Variants in WNT10A observed in about 807,000 individuals in gnomAD.
The protein encoded by WNT10A is Wnt family member 10A, also known as protein Wnt-10a.
A neutral mutation model predicts 36.1 loss-of-function variants in WNT10A; 37 were observed. The observed-to-expected ratio is 1.02, with a 90% CI of 0.79 to 1.35. WNT10A has a LOEUF of 1.35. Ranked by LOEUF, WNT10A falls within the 40% of genes most tolerant of loss-of-function variation. WNT10A has a pLI of 0.00. For missense variants in WNT10A, 613 were observed against 601.4 expected (o/e 1.02, Z -0.20); for synonymous variants, 255 against 254.1 (o/e 1.00, Z -0.03).
In WNT10A at chr2:218,892,974, G is replaced by T. The variant is rs774589067; in HGVS notation, c.957G>T (p.Ser319=). The T allele has an allele frequency of 6.9e-7, 1 of 1,453,880 alleles. No individual in the cohort carries two copies. The highest frequency in any genetic ancestry group is 2.7e-5 in the Admixed American group (1 of 37,218). 90.1% of individuals were successfully genotyped at this position (1,453,880 alleles called of 1,614,324 possible). The change falls in exon 4 of 4, where the codon TCG becomes TCT. Residue 319 remains serine (S), a synonymous_variant. Coordinates refer to ENST00000258411, the MANE Select transcript of WNT10A (RefSeq NM_025216.3). ...AGCCGGGCCCAGCGGGGGCACCCTC[G>T]CCGGCTCCGGGCGCTCCCGGGCCGC... is the stretch of plus-strand genomic sequence containing the variant. ...QLEPGPAGAP[S]PAPGAPGPRR...
In WNT10A at chr2:218,882,358, G is replaced by A. The variant is rs374910216; in HGVS notation, c.311G>A (p.Arg104His). The A allele has an allele frequency of 2.1e-5, 34 of 1,614,144 alleles. No homozygotes were observed. Among genetic ancestry groups the A allele is most frequent in the South Asian group, 1.5e-4 (14 of 91,084 alleles). The change falls in exon 2 of 4, where the codon CGC becomes CAC. Residue 104 changes from arginine to histidine, a missense_variant. By Grantham distance (29) the Arg-to-His change is conservative. Coordinates refer to ENST00000258411, the MANE Select transcript of WNT10A (RefSeq NM_025216.3). ...TGCCAACACCAATTCAGGGACCAGC[G>A]CTGGAACTGCTCAAGCCTGGAGACT... is the stretch of plus-strand genomic sequence containing the variant. Reference protein sequence around the residue: ...HECQHQFRDQRWNCSSLETRN... With the variant: ...HECQHQFRDQHWNCSSLETRN...
chr2:218,884,575 G>A (rs1225468131), intron 2 of WNT10A, among the ~76,000 whole-genome samples: 1 of 152,142 alleles, frequency 6.6e-6, no homozygotes, highest in African/African-American at 2.4e-5. Flanking sequence ...CTTCTCAGAA[G>A]GGACTCTGTG....
chr2:218,892,061 G>A (rs1205134443), intron 3 of WNT10A, among the ~76,000 whole-genome samples: 1 of 152,006 alleles, frequency 6.6e-6, no homozygotes, highest in East Asian at 1.9e-4. Context: ...GGCTCTCTCC[G>A]GTTCCATTCT....
intron 3 of WNT10A, among the ~76,000 whole-genome samples, chr2:218,892,489 G>A (rs1006998286): frequency 5.3e-5 from 8 of 152,088 alleles, no homozygotes; most frequent in Admixed American, 1.3e-4. Context: ...CCAGCCCCAA[G>A]GGCCCCCTGC....
At chr2:218,883,490 G>A (rs143248068) in intron 2 of WNT10A, among the ~76,000 whole-genome samples, 2,931 of 151,818 alleles carry the variant, frequency 0.019, 38 homozygotes, top group Non-Finnish European at 0.03. Context: ...GGGCCCCCAA[G>A]TCAGGGGCCA....
intron 2 of WNT10A, among the ~76,000 whole-genome samples, 168 bp downstream of exon 2, chr2:218,882,591 G>A (rs1944531784): frequency 6.6e-6 from 1 of 152,124 alleles, no homozygotes; most frequent in South Asian, 2.1e-4. Flanking sequence ...CAGGCCATGG[G>A]GGCAGAGAAA....
intron 1 of WNT10A, among the ~76,000 whole-genome samples, chr2:218,881,744 G>C (rs943967702): frequency 6.6e-6 from 1 of 152,190 alleles, no homozygotes; most frequent in Non-Finnish European, 1.5e-5. Context: ...GTGCATGTGC[G>C]TAAGTGTGCT....
rs56677599 is a variant in WNT10A at position 218,886,116 on chromosome 2, G to A, written c.376+3693G>A. Among the ~76,000 whole-genome samples, 66 of 152,272 alleles carry A rather than the reference G, an allele frequency of 4.3e-4. 2 individuals are homozygous for A. Among genetic ancestry groups the A allele is most frequent in the African/African-American group, 1.5e-3 (62 of 41,552 alleles). On this transcript the variant is annotated intron_variant, in intron 2 of 3. Coordinates refer to ENST00000258411, the MANE Select transcript of WNT10A (RefSeq NM_025216.3). ...AATCCCCTTCTATACTATCTCCCAA[G>A]TTGGAAGGCCAACACTAAGTCCCGC... is the stretch of plus-strand genomic sequence containing the variant.
At chr2:218,876,105 G>T (rs1158561346), upstream of WNT10A, among the ~76,000 whole-genome samples, 1 of 152,142 alleles carries the variant, frequency 6.6e-6, no homozygotes, top group Admixed American at 6.5e-5. Context: ...CTTTCTCCAT[G>T]ACAGCTCTAT....
In WNT10A at chr2:218,892,858, C is replaced by G. The variant is rs541715493; in HGVS notation, c.841C>G (p.Pro281Ala). The change falls in exon 4 of 4, where the codon CCC (proline) becomes GCC (alanine). Residue 281 changes from proline (P) to alanine (A), a missense_variant. Pro to Ala is a conservative substitution (Grantham distance 27, BLOSUM62 -1). Coordinates refer to ENST00000258411, the MANE Select transcript of WNT10A (RefSeq NM_025216.3). ...CQLKTCWQVT[P>A]EFRTVGALLR... ...GCTCAAGACGTGCTGGCAGGTGACG[C>G]CCGAGTTCCGCACCGTGGGGGCGCT... is the stretch of plus-strand genomic sequence containing the variant. 22 of 1,585,484 alleles carry G rather than the reference C, an allele frequency of 1.4e-5. No homozygotes were observed. In the East Asian group the frequency reaches 4.4e-4, roughly 32 times the overall value.
the WNT10A span, among the ~76,000 whole-genome samples, chr2:218,875,338 A>G: frequency 6.7e-6 from 1 of 150,000 alleles, no homozygotes; most frequent in Admixed American, 6.6e-5. Context: ...ACAGGCGCCC[A>G]CCACCACACT....
At chr2:218,880,793 C>A, upstream of WNT10A, 1 of 505,322 alleles carries the variant, frequency 2.0e-6, no homozygotes, top group East Asian at 3.5e-5. This position sits in a 1 kb window ranked among gnomAD's most constrained non-coding sequence, Gnocchi z 7.7. Flanking sequence ...CTTCACCCCC[C>A]GCCCCCCCCG....
upstream of WNT10A, among the ~76,000 whole-genome samples, chr2:218,879,589 G>T (rs186741410): frequency 3.8e-3 from 584 of 152,328 alleles, 4 homozygotes; most frequent in African/African-American, 0.013. Context: ...TCAGCGAGAA[G>T]TAGACCTGAG....
chr2:218,893,235 G>C lies in WNT10A; in HGVS notation c.1218G>C (p.Glu406Asp). The C allele has an allele frequency of 2.6e-6, 4 of 1,564,770 alleles. No homozygotes were observed. The highest frequency in any genetic ancestry group is 3.4e-6 in the Non-Finnish European group (4 of 1,161,618). ...FHWCCFVVCE[E>D]CRITEWVSVC... The stretch of plus-strand genomic sequence containing the variant: ...GGTGCTGTTTCGTGGTCTGCGAAGA[G>C]TGCCGCATCACCGAGTGGGTCAGCG... The change falls in exon 4 of 4, where the codon GAG becomes GAC. Residue 406 changes from glutamate (E) to aspartate (D), a missense_variant. Glu to Asp is a conservative substitution (Grantham distance 45). Transcript: ENST00000258411. The surrounding 1 kb of genome is among the most constrained non-coding windows in gnomAD (Gnocchi z 6.3).
upstream of WNT10A, among the ~76,000 whole-genome samples, chr2:218,879,144 A>C (rs1232288559): frequency 7.2e-6 from 1 of 139,026 alleles, no homozygotes; most frequent in African/African-American, 2.7e-5. Flanking sequence ...CTGCCGGCAG[A>C]GATGAGGGGG....
Position 218,890,325 on chromosome 2 carries a change from G to A in WNT10A, c.718G>A (p.Ala240Thr), listed in dbSNP as rs1386859394. 2.5e-6 allele frequency: 4 copies of A among 1,601,378 alleles called. No homozygotes were observed. The highest frequency in any genetic ancestry group is 1.7e-6 in the Non-Finnish European group (2 of 1,179,948). ...CCGGGAGCCTCACAGAGACATCCAC[G>A]CGAGAATGAGGCTTCACAACAACCG... Reference protein sequence around the residue: ...DSREPHRDIHARMRLHNNRVG... With the variant: ...DSREPHRDIHTRMRLHNNRVG... Residue 240 changes from alanine (A) to threonine (T), a missense_variant, in exon 3 of 4, where the codon GCG becomes ACG. Ala to Thr is a moderately conservative substitution (Grantham distance 58). Transcript: ENST00000258411.
At chr2:218,875,423 C>T in the WNT10A span, among the ~76,000 whole-genome samples, 1 of 151,930 alleles carries the variant, frequency 6.6e-6, no homozygotes, top group Non-Finnish European at 1.5e-5. Context: ...ATCTCCTGAC[C>T]TCGTGATCCG....
chr2:218,878,146 G>A (rs970966206), upstream of WNT10A, among the ~76,000 whole-genome samples: 1 of 152,220 alleles, frequency 6.6e-6, no homozygotes, highest in African/African-American at 2.4e-5. The surrounding 1 kb of genome is among the most constrained non-coding windows in gnomAD (Gnocchi z 4.1). Flanking sequence ...GCCCAGGGCA[G>A]GGCCAGGGTG....
In WNT10A at chr2:218,882,320, C is replaced by A. The variant is rs1011612159; in HGVS notation, c.273C>A (p.Ile91=). 1.9e-6 allele frequency: 3 copies of A among 1,614,182 alleles called. No homozygotes were observed. The Admixed American group carries it at 5.0e-5, about 27-fold the overall frequency. ...VAASAIQGIQ[I]AIHECQHQFR... is the part of the protein sequence containing the mutation. ...CCTCAGCCATACAGGGCATCCAGAT[C>A]GCCATCCACGAATGCCAACACCAAT... The change falls in exon 2 of 4, where the codon ATC becomes ATA. Residue 91 remains isoleucine, a synonymous_variant. Coordinates refer to ENST00000258411, the MANE Select transcript of WNT10A (RefSeq NM_025216.3).
Sources: allele counts gnomAD v4.1 joint callset (sites outside exome capture counted in the v4.1 genomes callset), GRCh38; gene constraint gnomAD v4.1.1; non-coding constraint Gnocchi (gnomAD v3.1); transcripts MANE v1.5; gene names NCBI Gene and HGNC (gene_info 2026-07-23, HGNC 2026-07-21).